Variants in CUBN observed in about 807,000 individuals in gnomAD.
CUBN encodes cubilin, also known as 460 kDa receptor.
CUBN carries 282 observed loss-of-function variants against 405.3 expected under a neutral mutation model. That is an observed-to-expected ratio of 0.70 (90% CI 0.63 to 0.77). The LOEUF is 0.77. Among genes scored for constraint, CUBN ranks in the 30% least tolerant of loss-of-function variants. The probability of loss-of-function intolerance (pLI) is 0.00; values close to 1 mark genes in which losing one functional copy is unlikely to be tolerated. For synonymous variants in CUBN, 1,684 were observed against 1,617.0 expected (o/e 1.04, Z -0.99); for missense variants, 4,514 against 4,475.2 (o/e 1.01, Z -0.25).
chr10:17,071,813 A>G lies in CUBN; in HGVS notation c.2446+14T>C, dbSNP rs780314017. Reference sequence around the variant, plus strand: ...CAGGCAAATTAGACATTTAAAAATTATATGTTTCCTTACCGACTTGATAAA... The same window carrying G: ...CAGGCAAATTAGACATTTAAAAATTGTATGTTTCCTTACCGACTTGATAAA... On this transcript the variant is annotated intron_variant, in intron 18 of 66. Coordinates refer to ENST00000377833, the MANE Select transcript of CUBN (RefSeq NM_001081.4). The G allele has an allele frequency of 7.5e-6, 12 of 1,609,312 alleles. No individual in the cohort carries two copies. Among genetic ancestry groups the G allele is most frequent in the Middle Eastern group, 2.0e-4 (1 of 4,882 alleles).
intron 10 of CUBN, among the ~76,000 whole-genome samples, chr10:17,105,813 A>T (rs111968043): frequency 6.6e-5 from 10 of 152,346 alleles, no homozygotes; most frequent in African/African-American, 2.4e-4. Flanking sequence ...TACTGGGTTG[A>T]CATGGGTGCT....
At position 16,869,656 on chromosome 10, in the gene CUBN, A is replaced by G. The variant is rs1295859711; in HGVS notation, c.9434T>C (p.Met3145Thr). 3.1e-6 allele frequency: 5 copies of G among 1,613,420 alleles called. No homozygotes were observed. Among genetic ancestry groups the G allele is most frequent in the African/African-American group, 1.3e-5 (1 of 74,892 alleles). ...DSFQTAKGWK[M>T]SFRQTLGPQQ... is the part of the protein sequence containing the mutation. ...CTTACCCAATGTCTGCCGGAAAGAC[A>G]TCTTCCAGCCTTTTGCTGTCTGAAA... Residue 3145 changes from methionine to threonine, a missense_variant, in exon 59 of 67, where the codon ATG (methionine) becomes ACG (threonine). By Grantham distance (81) the Met-to-Thr change is moderately conservative. This residue lies in a region of CUBN where 1,186 missense variants were observed against 1,186.9 expected (regional missense o/e 1.00). Coordinates refer to ENST00000377833, the MANE Select transcript of CUBN (RefSeq NM_001081.4).
chr10:16,976,692 A>G (rs938518499), intron 31 of CUBN, among the ~76,000 whole-genome samples: 1 of 151,594 alleles, frequency 6.6e-6, no homozygotes, highest in Non-Finnish European at 1.5e-5. Flanking sequence ...TGTGTTATAT[A>G]TTTTCTGAGT....
Position 16,867,522 on chromosome 10 carries a change from A to G in CUBN, c.9454+2114T>C, listed in dbSNP as rs530111518. Among the ~76,000 whole-genome samples, 15 of 152,330 alleles carry G rather than the reference A, an allele frequency of 9.8e-5. No individual in the cohort carries two copies. The South Asian group carries it at 2.5e-3, about 25-fold the overall frequency. ...GCAAAATCATAATACTTAGGTTTTCACTTAAACATTACCATCAAAGAGTAG... is the reference window on the plus strand; with the variant it reads ...GCAAAATCATAATACTTAGGTTTTCGCTTAAACATTACCATCAAAGAGTAG... On this transcript the variant is annotated intron_variant, in intron 59 of 66. Transcript: ENST00000377833.
At chr10:17,007,550 G>T (rs1182614653) in intron 28 of CUBN, among the ~76,000 whole-genome samples, 1 of 151,130 alleles carries the variant, frequency 6.6e-6, no homozygotes, top group Non-Finnish European at 1.5e-5. Flanking sequence ...CTCAGGAAAT[G>T]ATGTCGCTGC....
chr10:17,027,888 C>CA (rs1339088194), intron 27 of CUBN, among the ~76,000 whole-genome samples: 2 of 152,176 alleles, frequency 1.3e-5, no homozygotes, highest in East Asian at 3.9e-4. Context: ...TAATTATTTA[C>CA]AAAAAATTAT....
At chr10:16,947,450 C>T in intron 35 of CUBN, 83 bp from the exon 36 acceptor site, 2 of 1,369,728 alleles carry the variant, frequency 1.5e-6, no homozygotes, top group Non-Finnish European at 1.0e-6. Flanking sequence ...AACGCTAGAG[C>T]CATTATCAAT....
chr10:16,828,729 A>G (rs2131299397), intron 66 of CUBN, 76 bp downstream of exon 66: 1 of 1,239,526 alleles, frequency 8.1e-7, no homozygotes, highest in Middle Eastern at 2.5e-4. Flanking sequence ...TCTTAAAAAA[A>G]AAAAAAGTCT....
chr10:17,031,327 A>G (rs1362907949), intron 27 of CUBN, among the ~76,000 whole-genome samples: 13 of 152,322 alleles, frequency 8.5e-5, no homozygotes, highest in African/African-American at 2.9e-4. Context: ...AGTGCAAATA[A>G]TAACAGTGAA....
At chr10:17,105,382 CTA>C in intron 11 of CUBN, 73 bp downstream of exon 11, 1 of 886,406 alleles carries the variant, frequency 1.1e-6, no homozygotes, top group Non-Finnish European at 1.9e-6. Flanking sequence ...TTCCTGAATC[CTA>C]TAACGTTACA....
chr10:17,103,406 G>C (rs1836544448), intron 12 of CUBN, among the ~76,000 whole-genome samples, 169 bp from the exon 13 acceptor site: 1 of 152,140 alleles, frequency 6.6e-6, no homozygotes, highest in Admixed American at 6.5e-5. Context: ...AACTTCCATA[G>C]AAATCCCACC....
At chr10:17,057,845 G>T (rs563395859) in intron 22 of CUBN, among the ~76,000 whole-genome samples, 21 of 152,192 alleles carry the variant, frequency 1.4e-4, no homozygotes, top group Non-Finnish European at 2.4e-4. Context: ...AAGCCAAGCC[G>T]GGTGCGGTGG....
intron 26 of CUBN, among the ~76,000 whole-genome samples, chr10:17,041,763 G>T (rs932034721): frequency 3.3e-5 from 5 of 152,058 alleles, no homozygotes; most frequent in Non-Finnish European, 5.9e-5. Flanking sequence ...TCACAATAAA[G>T]GCTCCGTTCT....
chr10:16,869,831 G>C lies in CUBN; in HGVS notation c.9259C>G (p.Pro3087Ala). The C allele has an allele frequency of 6.2e-7, 1 of 1,612,940 alleles. No individual in the cohort carries two copies. The highest frequency in any genetic ancestry group is 8.5e-7 in the Non-Finnish European group (1 of 1,179,048). ...TAGTCATGGGAGCAGGAGGTGGAGG[G>C]AACCACATCAAAATCACTGAACCTG... ...ELKFSDFDVV[P>A]STSCSHDYLA... The change falls in exon 59 of 67, where the codon CCC (proline) becomes GCC (alanine). Residue 3087 changes from proline to alanine, a missense_variant. Physicochemically the swap from Pro to Ala is conservative, Grantham distance 27 (BLOSUM62 -1). This residue lies in a region of CUBN where 1,186 missense variants were observed against 1,186.9 expected (regional missense o/e 1.00). Coordinates refer to ENST00000377833, the MANE Select transcript of CUBN (RefSeq NM_001081.4).
At chr10:16,878,202 C>T (rs55916559) in intron 56 of CUBN, among the ~76,000 whole-genome samples, 14,576 of 152,102 alleles carry the variant, frequency 0.096, 1,309 homozygotes, top group East Asian at 0.32. Context: ...GCAAGAGAAT[C>T]GCTTGAACCT....
chr10:16,987,657 G>C (rs1291740511), intron 29 of CUBN, among the ~76,000 whole-genome samples: 1 of 152,150 alleles, frequency 6.6e-6, no homozygotes, highest in East Asian at 1.9e-4. Context: ...GGCTGAGAAA[G>C]TCAGCAAAGT....
chr10:16,836,114 T>C, intron 63 of CUBN, 121 bp downstream of exon 63: 2 of 1,012,618 alleles, frequency 2.0e-6, no homozygotes, highest in South Asian at 2.7e-5. Context: ...AGGGATGTGG[T>C]TTTTGTTAAC....
chr10:17,060,974 A>G (rs1439382965), intron 22 of CUBN, among the ~76,000 whole-genome samples: 1 of 152,008 alleles, frequency 6.6e-6, no homozygotes, highest in African/African-American at 2.4e-5. Context: ...ACTTGAACCT[A>G]GGAGGCAGAG....
intron 26 of CUBN, among the ~76,000 whole-genome samples, chr10:17,042,118 T>G (rs1328157823): frequency 1.3e-5 from 2 of 152,228 alleles, no homozygotes; most frequent in Non-Finnish European, 2.9e-5. Flanking sequence ...TAGAACACCA[T>G]TTATAACTTT....
Sources: gnomAD v4.1 joint callset for allele counts (sites outside exome capture counted in the v4.1 genomes callset) on GRCh38, gnomAD v4.1.1 for gene constraint, gnomAD v4.1.1 regional missense constraint, MANE v1.5 for transcripts, NCBI Gene and HGNC (gene_info 2026-07-23, HGNC 2026-07-21) for gene names.